EGFLAM: variants seen among roughly 807,000 people sequenced by gnomAD.
EGFLAM encodes the protein EGF like, fibronectin type III and laminin G domains.
Under a neutral mutation model 113.1 loss-of-function variants are expected in EGFLAM, and 79 were observed. The observed-to-expected ratio is 0.70, with a 90% CI of 0.58 to 0.84. The LOEUF is 0.84. Among genes scored for constraint, EGFLAM ranks in the 40% least tolerant of loss-of-function variants. The pLI, the probability that EGFLAM is intolerant of heterozygous loss-of-function variation, is 0.00. For missense variants in EGFLAM, 1,265 were observed against 1,291.6 expected, an observed-to-expected ratio of 0.98 and a Z score of 0.32; for synonymous variants, 504 against 487.6, an observed-to-expected ratio of 1.03 and a Z score of -0.44.
intron 1 of EGFLAM, among the ~76,000 whole-genome samples, chr5:38,278,134 CAAAATACACTA>C (rs1757929672): frequency 6.6e-6 from 1 of 152,056 alleles, no homozygotes; most frequent in South Asian, 2.1e-4. Flanking sequence ...TACCTGACTT[CAAAATACACTA>C]AAAAGCTATA....
intron 19 of EGFLAM, 109 bp downstream of exon 19, chr5:38,451,567 G>T: frequency 1.4e-6 from 2 of 1,461,738 alleles, no homozygotes; most frequent in Non-Finnish European, 1.8e-6. Flanking sequence ...GCTGGAATTG[G>T]CTGAAGCCTG....
chr5:38,431,149 A>C (rs1742173795), intron 14 of EGFLAM, 28 bp from the exon 15 acceptor site: 4 of 1,604,128 alleles, frequency 2.5e-6, no homozygotes, highest in South Asian at 1.1e-5. Context: ...TCGATACATA[A>C]AAATAATATC....
intron 20 of EGFLAM, chr5:38,462,597 A>G (rs530457395): frequency 2.4e-4 from 66 of 280,554 alleles, no homozygotes; most frequent in African/African-American, 1.4e-3. Flanking sequence ...TCTCTCTAAT[A>G]ACTGTCCTCT....
intron 6 of EGFLAM, among the ~76,000 whole-genome samples, chr5:38,399,624 C>G (rs1043650413): frequency 6.6e-6 from 1 of 152,218 alleles, no homozygotes; most frequent in Non-Finnish European, 1.5e-5. Context: ...GAAATGTGGA[C>G]CTACTGCTTC....
chr5:38,302,874 G>A (rs1758629035), intron 1 of EGFLAM, among the ~76,000 whole-genome samples: 1 of 152,102 alleles, frequency 6.6e-6, no homozygotes, highest in Non-Finnish European at 1.5e-5. Flanking sequence ...GGCCATAAGA[G>A]TCTGAGTGAG....
At chr5:38,430,357 A>G (rs1742150707) in intron 14 of EGFLAM, among the ~76,000 whole-genome samples, 2 of 152,168 alleles carry the variant, frequency 1.3e-5, no homozygotes. Context: ...TAGAAAACCC[A>G]TTTCACCAGA....
chr5:38,324,376 G>A (rs1738824651), intron 1 of EGFLAM, among the ~76,000 whole-genome samples: 1 of 151,938 alleles, frequency 6.6e-6, no homozygotes, highest in Non-Finnish European at 1.5e-5. Flanking sequence ...CCTTTATCCT[G>A]CCCCCCTCCA....
chr5:38,418,190 T>G lies in EGFLAM; in HGVS notation c.1619T>G (p.Val540Gly). 6.2e-7 allele frequency: 1 copy of G among 1,614,090 alleles called. No homozygotes were observed. Among genetic ancestry groups the G allele is most frequent in the Non-Finnish European group, 8.5e-7 (1 of 1,179,994 alleles). Residue 540 changes from valine (V) to glycine (G), a missense_variant, in exon 12 of 22, where the codon GTG becomes GGG. Physicochemically the swap from Val to Gly is moderately radical, Grantham distance 109. Transcript: ENST00000322350. The stretch of plus-strand genomic sequence containing the variant: ...CAAGGCTGTGTGCAGTCGCTCGCTG[T>G]GAATGGGAGGAGAATTGACATGAGG... ...GFQGCVQSLAVNGRRIDMRPW... is the reference protein window; with the variant it reads ...GFQGCVQSLAGNGRRIDMRPW...
At chr5:38,387,335 CA>C (rs1740690037) in intron 6 of EGFLAM, among the ~76,000 whole-genome samples, 1 of 152,218 alleles carries the variant, frequency 6.6e-6, no homozygotes, top group Admixed American at 6.5e-5. Flanking sequence ...CACTCCCTGC[CA>C]ACCCCTTGAT....
intron 6 of EGFLAM, among the ~76,000 whole-genome samples, chr5:38,377,541 T>C (rs1175374594): frequency 6.6e-6 from 1 of 151,862 alleles, no homozygotes; most frequent in Non-Finnish European, 1.5e-5. Flanking sequence ...AAGCTAAGAG[T>C]CTGTGACTAC....
chr5:38,418,113 C>T lies in EGFLAM; in HGVS notation c.1542C>T (p.Gly514=), dbSNP rs757246458. The change falls in exon 12 of 22, where the codon GGC becomes GGT. Residue 514 remains glycine, a synonymous_variant. Coordinates refer to ENST00000322350, the MANE Select transcript of EGFLAM (RefSeq NM_152403.4). ...TCCGGACACCTCTCTATCTTGGTGG[C>T]GCTCCCAGCGCTTACTGGTTGGTTA... ...ITFRTPLYLG[G]APSAYWLVRA... 32 of 1,613,942 alleles carry T rather than the reference C, an allele frequency of 2.0e-5. No individual in the cohort carries two copies. Among genetic ancestry groups the T allele is most frequent in the East Asian group, 6.7e-5 (3 of 44,886 alleles).
At chr5:38,350,242 C>T (rs1739584955) in intron 3 of EGFLAM, among the ~76,000 whole-genome samples, 1 of 152,156 alleles carries the variant, frequency 6.6e-6, no homozygotes, top group African/African-American at 2.4e-5. Context: ...TTCACAGTAA[C>T]ATTTGCTAGT....
In EGFLAM at chr5:38,418,117, C is replaced by T; in HGVS notation, c.1546C>T (p.Pro516Ser). The part of the protein sequence containing the change: ...FRTPLYLGGA[P>S]SAYWLVRATG... ...GACACCTCTCTATCTTGGTGGCGCT[C>T]CCAGCGCTTACTGGTTGGTTAGAGC... Residue 516 changes from proline (P) to serine (S), a missense_variant, in exon 12 of 22, where the codon CCC (proline) becomes TCC (serine). Pro to Ser is a moderately conservative substitution (Grantham distance 74). Transcript: ENST00000322350. The T allele has an allele frequency of 6.2e-7, 1 of 1,614,132 alleles. No individual in the cohort carries two copies. The highest frequency in any genetic ancestry group is 8.5e-7 in the Non-Finnish European group (1 of 1,180,004).
intron 5 of EGFLAM, among the ~76,000 whole-genome samples, chr5:38,368,963 A>G (rs1292324448): frequency 6.6e-6 from 1 of 152,206 alleles, no homozygotes; most frequent in African/African-American, 2.4e-5. Context: ...GTAGATGGAA[A>G]GCCCTTGACG....
chr5:38,360,437 G>A (rs571517130), intron 5 of EGFLAM, among the ~76,000 whole-genome samples: 76 of 152,276 alleles, frequency 5.0e-4, no homozygotes, highest in African/African-American at 1.8e-3. Flanking sequence ...AAGGCATGCT[G>A]GATACGTGAC....
chr5:38,425,796 C>T (rs541296444), intron 13 of EGFLAM, among the ~76,000 whole-genome samples: 1 of 152,296 alleles, frequency 6.6e-6, no homozygotes, highest in South Asian at 2.1e-4. Context: ...AGCTCAGGCT[C>T]ATGCTCTTTA....
chr5:38,396,120 C>T (rs1740955964), intron 6 of EGFLAM, among the ~76,000 whole-genome samples: 1 of 150,250 alleles, frequency 6.7e-6, no homozygotes, highest in African/African-American at 2.5e-5. Context: ...CCCAACTACT[C>T]ATATGAAAAC....
intron 19 of EGFLAM, 80 bp downstream of exon 19, chr5:38,451,538 G>A: frequency 1.9e-6 from 3 of 1,541,262 alleles, no homozygotes; most frequent in East Asian, 2.3e-5. Context: ...TGATTCAGAA[G>A]GGAGCCAGAA....
chr5:38,313,577 C>T lies in EGFLAM; in HGVS notation c.98-23943C>T, dbSNP rs529081180. On this transcript the variant is annotated intron_variant, in intron 1 of 21. Transcript: ENST00000322350. ...TATATTTTAAAGAGTCATCATACAT[C>T]GCCTAATTACTTTCTAAAAGAGTTT... Among the ~76,000 whole-genome samples the T allele has an allele frequency of 3.9e-4, 60 of 152,192 alleles. No homozygotes were observed. The South Asian group carries it at 4.6e-3, about 12-fold the overall frequency.
Sources: gnomAD v4.1 joint callset for allele counts (sites outside exome capture counted in the v4.1 genomes callset) on GRCh38, gnomAD v4.1.1 for gene constraint, MANE v1.5 for transcripts, NCBI Gene and HGNC (gene_info 2026-07-23, HGNC 2026-07-21) for gene names.